Variants in COL13A1 observed in about 807,000 individuals in gnomAD.
The protein encoded by COL13A1 is collagen type XIII alpha 1 chain.
A neutral mutation model predicts 130.9 loss-of-function variants in COL13A1; 89 were observed. The ratio of observed to expected loss-of-function variants is 0.68; its 90% CI spans 0.57 to 0.81. The LOEUF (loss-of-function observed/expected upper bound fraction) is 0.81. COL13A1 is among the 30% of genes least tolerant of loss of function. The probability of loss-of-function intolerance (pLI) is 0.00; values close to 1 mark genes in which losing one functional copy is unlikely to be tolerated. For synonymous variants in COL13A1, 402 were observed against 341.6 expected (o/e 1.18, Z -1.95); for missense variants, 879 against 934.6 (o/e 0.94, Z 0.78).
At chr10:69,899,297 G>A (rs1328341559) in intron 14 of COL13A1, among the ~76,000 whole-genome samples, 1 of 152,210 alleles carries the variant, frequency 6.6e-6, no homozygotes, top group Non-Finnish European at 1.5e-5. Flanking sequence ...GATATGTAAA[G>A]CATTTGGAAT....
intron 2 of COL13A1, among the ~76,000 whole-genome samples, chr10:69,823,280 G>T (rs1207155618): frequency 3.3e-5 from 5 of 152,212 alleles, no homozygotes; most frequent in Non-Finnish European, 7.3e-5. Flanking sequence ...TTTTCTAGGT[G>T]CCTGTTATTG....
chr10:69,951,815 A>T (rs1304186100), intron 38 of COL13A1, among the ~76,000 whole-genome samples: 1 of 152,228 alleles, frequency 6.6e-6, no homozygotes, highest in African/African-American at 2.4e-5. Context: ...CCCAGCATTC[A>T]GTGTCACCCT....
intron 3 of COL13A1, among the ~76,000 whole-genome samples, chr10:69,870,168 G>T (rs1196448322): frequency 6.7e-6 from 1 of 150,146 alleles, no homozygotes; most frequent in East Asian, 1.9e-4. Flanking sequence ...GTGTATGTGT[G>T]TGTACTGTAT....
intron 2 of COL13A1, among the ~76,000 whole-genome samples, chr10:69,844,308 T>C (rs1227089296): frequency 6.6e-6 from 1 of 152,180 alleles, no homozygotes; most frequent in Admixed American, 6.5e-5. Context: ...CCCTAAGTAT[T>C]TGTGGGATCA....
chr10:69,916,595 GAAGTA>G (rs1486494547), intron 17 of COL13A1, among the ~76,000 whole-genome samples: 1 of 152,172 alleles, frequency 6.6e-6, no homozygotes, highest in East Asian at 1.9e-4. Context: ...TTTTTCTGGA[GAAGTA>G]AAGATGTTGA....
intron 6 of COL13A1, 45 bp from the exon 7 acceptor site, chr10:69,880,458 C>A (rs1233609762): frequency 1.8e-6 from 2 of 1,107,486 alleles, no homozygotes; most frequent in African/African-American, 1.5e-5. Flanking sequence ...CTTCTCCATA[C>A]CTCCCTGCCC....
At chr10:69,884,139 C>T (rs117080833) in intron 7 of COL13A1, among the ~76,000 whole-genome samples, 9,387 of 152,200 alleles carry the variant, frequency 0.062, 350 homozygotes, top group Non-Finnish European at 0.083. Context: ...GCCGTAAAGT[C>T]CAATGGGAAC....
At chr10:69,878,439 G>A (rs1442102801) in intron 6 of COL13A1, among the ~76,000 whole-genome samples, 1 of 152,090 alleles carries the variant, frequency 6.6e-6, no homozygotes, top group East Asian at 1.9e-4. Context: ...AGCCATCCTG[G>A]AACATCAGCC....
chr10:69,918,370 G>A (rs2064202138), intron 19 of COL13A1, 53 bp downstream of exon 19: 1 of 1,585,088 alleles, frequency 6.3e-7, no homozygotes, highest in Non-Finnish European at 8.6e-7. Flanking sequence ...AGAGAAGAGA[G>A]CGGGCAGAGC....
chr10:69,927,363 G>C (rs956053801), intron 27 of COL13A1, among the ~76,000 whole-genome samples: 2 of 152,188 alleles, frequency 1.3e-5, no homozygotes, highest in African/African-American at 4.8e-5. Context: ...CACCAATACA[G>C]CTGTGCTCTC....
chr10:69,938,201 G>A (rs980682342), intron 34 of COL13A1, among the ~76,000 whole-genome samples: 10 of 152,300 alleles, frequency 6.6e-5, no homozygotes, highest in African/African-American at 1.7e-4. Context: ...GGCCAAGGCC[G>A]TTCATCTCCT....
chr10:69,815,439 C>A (rs546175255), intron 1 of COL13A1, among the ~76,000 whole-genome samples: 6 of 152,304 alleles, frequency 3.9e-5, no homozygotes, highest in Non-Finnish European at 8.8e-5. Context: ...CAGGAGGCCC[C>A]GGCTGCCAGC....
At chr10:69,908,021 G>T (rs1003011265) in intron 17 of COL13A1, among the ~76,000 whole-genome samples, 3 of 152,202 alleles carry the variant, frequency 2.0e-5, no homozygotes, top group African/African-American at 7.2e-5. Context: ...CTCATAAGTG[G>T]CAGAGCAGGA....
intron 17 of COL13A1, among the ~76,000 whole-genome samples, chr10:69,911,226 G>C (rs2135382159): frequency 1.3e-5 from 2 of 151,846 alleles, no homozygotes; most frequent in African/African-American, 4.8e-5. Context: ...TTCAGCCAAA[G>C]GGCATGAGGA....
rs893692979 is a variant in COL13A1, at chr10:69,957,409, A to T, written c.2184+367A>T. Reference sequence around the variant, plus strand: ...TATGCCACGTGATGACATGTCTTAGACGTAGGACATCTCAGTTGCTTTCAC... The same window carrying T: ...TATGCCACGTGATGACATGTCTTAGTCGTAGGACATCTCAGTTGCTTTCAC... On this transcript the variant is annotated intron_variant, in intron 40 of 40. Coordinates refer to ENST00000645393, the MANE Select transcript of COL13A1 (RefSeq NM_001368882.1). Among the ~76,000 whole-genome samples, 41 of 152,264 alleles carry T rather than the reference A, an allele frequency of 2.7e-4. 1 individual carries two copies. The highest frequency in any genetic ancestry group is 9.6e-4 in the African/African-American group (40 of 41,538).
intron 36 of COL13A1, among the ~76,000 whole-genome samples, chr10:69,945,079 A>G (rs1209403210): frequency 6.6e-6 from 1 of 152,088 alleles, no homozygotes; most frequent in Non-Finnish European, 1.5e-5. Flanking sequence ...GTGTCTTTCT[A>G]TATCAGCTCT....
intron 13 of COL13A1, among the ~76,000 whole-genome samples, chr10:69,897,863 G>A (rs2061808780): frequency 6.6e-6 from 1 of 152,164 alleles, no homozygotes; most frequent in Admixed American, 6.5e-5. Flanking sequence ...CTAAAGCCAC[G>A]GGTTGCTCAG....
intron 34 of COL13A1, 140 bp from the exon 35 acceptor site, chr10:69,940,848 C>T (rs1393112136): frequency 3.4e-6 from 4 of 1,165,184 alleles, no homozygotes; most frequent in Non-Finnish European, 5.0e-6. Flanking sequence ...AAGCTTATTT[C>T]TCCAGTTGTG....
At chr10:69,835,324 G>T (rs914569442) in intron 2 of COL13A1, among the ~76,000 whole-genome samples, 9 of 152,122 alleles carry the variant, frequency 5.9e-5, no homozygotes, top group Non-Finnish European at 1.0e-4. Flanking sequence ...TGCTTGGGCA[G>T]TTATAAGAGA....
Sources: gnomAD v4.1 joint callset for allele counts (sites outside exome capture counted in the v4.1 genomes callset) on GRCh38, gnomAD v4.1.1 for gene constraint, MANE v1.5 for transcripts, NCBI Gene and HGNC (gene_info 2026-07-23, HGNC 2026-07-21) for gene names.